The following STX2 variants were observed in gnomAD, a reference collection of about 807,000 sequenced individuals.
STX2 encodes the protein syntaxin-2.
In STX2, 27 loss-of-function variants were observed where a neutral mutation model predicts 40.6. The ratio of observed to expected loss-of-function variants is 0.66; its 90% CI spans 0.49 to 0.92. The LOEUF (loss-of-function observed/expected upper bound fraction) is 0.92. Among genes scored for constraint, STX2 ranks in the 40% least tolerant of loss-of-function variants. STX2 has a pLI of 0.00. For missense variants in STX2, 328 were observed against 366.1 expected (o/e 0.90, Z 0.85); for synonymous variants, 123 against 119.1 (o/e 1.03, Z -0.22).
intron 10 of STX2, 90 bp from the exon 11 acceptor site, chr12:130,792,067 T>C: frequency 1.2e-6 from 1 of 847,700 alleles, no homozygotes; most frequent in Non-Finnish European, 1.9e-6. Context: ...TTTGGGATAG[T>C]TTAAAAAATA....
In STX2 at chr12:130,827,240, C is replaced by T; in HGVS notation, c.58G>A (p.Val20Ile). The T allele has an allele frequency of 6.2e-7, 1 of 1,613,944 alleles. No individual in the cohort carries two copies. The highest frequency in any genetic ancestry group is 1.3e-5 in the African/African-American group (1 of 75,008). Residue 20 changes from valine (V) to isoleucine (I), a missense_variant, in exon 2 of 11, where the codon GTT (valine) becomes ATT (isoleucine). Val to Ile is a conservative substitution (Grantham distance 29). Coordinates refer to ENST00000392373, the MANE Select transcript of STX2 (RefSeq NM_194356.4). ...AAATGATCTTTCTCAACCACAACAACTGTGTCTCCATCATCATTCTTCCTA... is the reference window on the plus strand; with the variant it reads ...AAATGATCTTTCTCAACCACAACAATTGTGTCTCCATCATCATTCTTCCTA... ...ACRKNDDGDTVVVVEKDHFMD... is the reference protein window; with the variant it reads ...ACRKNDDGDTIVVVEKDHFMD...
chr12:130,806,907 A>G (rs1340111624), intron 6 of STX2, 75 bp downstream of exon 6: 10 of 1,348,278 alleles, frequency 7.4e-6, no homozygotes, highest in Admixed American at 3.8e-5. Flanking sequence ...CCTTTTCTGA[A>G]GTTAAAGTCA....
At chr12:130,813,291 A>G (rs1284335989) in intron 3 of STX2, among the ~76,000 whole-genome samples, 2 of 152,236 alleles carry the variant, frequency 1.3e-5, no homozygotes, top group African/African-American at 4.8e-5. Flanking sequence ...AGGTGGGGAC[A>G]GTGGCCCAGC....
chr12:130,824,070 A>T (rs1343943232), intron 2 of STX2, among the ~76,000 whole-genome samples: 1 of 152,216 alleles, frequency 6.6e-6, no homozygotes, highest in Non-Finnish European at 1.5e-5. Flanking sequence ...CAAGCCCCGG[A>T]CCAGATTTGA....
At chr12:130,827,292 GTTT>G in intron 1 of STX2, 25 bp from the exon 2 acceptor site, 1 of 1,603,866 alleles carries the variant, frequency 6.2e-7, no homozygotes, top group Non-Finnish European at 8.5e-7. Flanking sequence ...GGAAAATTCA[GTTT>G]TTTAAAATTT....
chr12:130,818,520 G>C (rs1179828577), intron 3 of STX2, among the ~76,000 whole-genome samples: 1 of 152,088 alleles, frequency 6.6e-6, no homozygotes, highest in Non-Finnish European at 1.5e-5. Flanking sequence ...TAACCGGTGG[G>C]ACAGGATCTG....
At chr12:130,828,878 AAAAGAAAAG>A (rs1952443035) in intron 1 of STX2, among the ~76,000 whole-genome samples, 1 of 149,486 alleles carries the variant, frequency 6.7e-6, no homozygotes, top group Admixed American at 6.6e-5. Flanking sequence ...AAAAAAAAAA[AAAAGAAAAG>A]AAAAGAAAAG....
At chr12:130,801,064 C>A in intron 8 of STX2, 89 bp downstream of exon 8, 1 of 1,426,144 alleles carries the variant, frequency 7.0e-7, no homozygotes, top group Non-Finnish European at 9.4e-7. Flanking sequence ...AACAGCTTTC[C>A]TAGATACATC....
At chr12:130,811,282 C>A (rs560420291) in intron 4 of STX2, among the ~76,000 whole-genome samples, 1 of 143,938 alleles carries the variant, frequency 6.9e-6, no homozygotes, top group South Asian at 2.3e-4. Context: ...CGCTTGAGTC[C>A]AGGAGGTGGA....
intron 1 of STX2, among the ~76,000 whole-genome samples, chr12:130,836,719 G>A (rs1409740912): frequency 6.6e-6 from 1 of 152,120 alleles, no homozygotes; most frequent in East Asian, 1.9e-4. Context: ...CCCTCTATGA[G>A]GTGGACAAGA....
At chr12:130,793,202 C>A (rs903427752) in intron 10 of STX2, among the ~76,000 whole-genome samples, 1 of 152,270 alleles carries the variant, frequency 6.6e-6, no homozygotes, top group Non-Finnish European at 1.5e-5. Flanking sequence ...TCCTCAGGAC[C>A]GGGGAGAGCT....
At position 130,792,959 on chromosome 12, in the gene STX2, C is replaced by T. The variant is rs145858806; in HGVS notation, c.*46-982G>A. ...AATAAATGGAGTCTCCTCCAGGAAG[C>T]TTGTCTGAGGGAAGGAAAGGAAGAC... On this transcript the variant is annotated intron_variant, in intron 10 of 10. Transcript: ENST00000392373. Among the ~76,000 whole-genome samples, 393 of 152,300 alleles carry T rather than the reference C, an allele frequency of 2.6e-3. 3 individuals are homozygous for T. The highest frequency in any genetic ancestry group is 0.017 in the Middle Eastern group (5 of 294).
At chr12:130,799,575 C>A (rs1355092374) in intron 8 of STX2, among the ~76,000 whole-genome samples, 4 of 152,086 alleles carry the variant, frequency 2.6e-5, no homozygotes, top group Non-Finnish European at 5.9e-5. Flanking sequence ...GGCAACGGGG[C>A]CCCCAAAATC....
intron 10 of STX2, among the ~76,000 whole-genome samples, chr12:130,795,374 A>G (rs1424596217): frequency 6.6e-6 from 1 of 152,176 alleles, no homozygotes; most frequent in African/African-American, 2.4e-5. Context: ...TACAACTGAG[A>G]ATTAATCTTC....
intron 1 of STX2, among the ~76,000 whole-genome samples, chr12:130,829,753 G>A (rs948192705): frequency 4.6e-5 from 7 of 152,170 alleles, no homozygotes; most frequent in Admixed American, 2.0e-4. Flanking sequence ...TCTCAGAGGC[G>A]CAGGGCCAGG....
At chr12:130,824,851 T>C (rs1270103482) in intron 2 of STX2, among the ~76,000 whole-genome samples, 1 of 152,162 alleles carries the variant, frequency 6.6e-6, no homozygotes, top group Non-Finnish European at 1.5e-5. Context: ...AAATTGACTA[T>C]TTAACAAATG....
chr12:130,818,185 A>AAAAAAATATATATATAT, intron 3 of STX2, among the ~76,000 whole-genome samples: 8 of 70,538 alleles, frequency 1.1e-4, no homozygotes, highest in South Asian at 1.1e-3. Context: ...AAAAAAAAAA[A>AAAAAAATATATATATAT]ATATATATAT....
At chr12:130,797,907 C>T (rs149944006) in intron 9 of STX2, among the ~76,000 whole-genome samples, 4 of 152,298 alleles carry the variant, frequency 2.6e-5, no homozygotes, top group South Asian at 2.1e-4. Context: ...CAAGAAGTCA[C>T]GAATAACCTA....
At chr12:130,804,265 G>A (rs1951341077) in intron 6 of STX2, among the ~76,000 whole-genome samples, 1 of 152,196 alleles carries the variant, frequency 6.6e-6, no homozygotes, top group Non-Finnish European at 1.5e-5. Flanking sequence ...AAGAAAGAAA[G>A]GGGACAAAAT....
Sources: allele counts gnomAD v4.1 joint callset (sites outside exome capture counted in the v4.1 genomes callset), GRCh38; gene constraint gnomAD v4.1.1; transcripts MANE v1.5; gene names NCBI Gene and HGNC (gene_info 2026-07-23, HGNC 2026-07-21).